Variants in CNTN4 observed in about 807,000 individuals in gnomAD.
CNTN4 encodes contactin 4.
In CNTN4, 77 loss-of-function variants were observed where a neutral mutation model predicts 122.5. The observed-to-expected ratio is 0.63, with a 90% confidence interval of 0.52 to 0.76. The LOEUF is 0.76. Among genes scored for constraint, CNTN4 ranks in the 30% least tolerant of loss-of-function variants. The probability of loss-of-function intolerance (pLI) is 0.00; values close to 1 mark genes in which losing one functional copy is unlikely to be tolerated. For missense variants in CNTN4, 1,256 were observed against 1,259.1 expected, an observed-to-expected ratio of 1.00 and a Z score of 0.04; for synonymous variants, 512 against 447.0, an observed-to-expected ratio of 1.15 and a Z score of -1.83.
intron 2 of CNTN4, chr3:2,144,276 T>C (rs2035140126): frequency 6.6e-6 from 1 of 152,244 alleles, no homozygotes. Flanking sequence ...TTCTGAAGGT[T>C]CTAGCTTCCA....
chr3:3,038,516 T>C (rs7617493), intron 18 of CNTN4, among the ~76,000 whole-genome samples: 71,088 of 152,020 alleles, frequency 0.47, 17,428 homozygotes, highest in African/African-American at 0.59. Context: ...GTGCAGGCGC[T>C]CCTCCACTCC....
chr3:3,026,428 GC>G lies in CNTN4; in HGVS notation c.1662+152del, dbSNP rs373768031. The G allele has an allele frequency of 1.9e-4, 138 of 714,406 alleles. 1 individual carries two copies. The African/African-American group carries it at 2.1e-3, about 11-fold the overall frequency. The allele number at this position is 714,406 out of a possible 1,614,324, so 44.3% of individuals were successfully genotyped here. Reference sequence around the variant, plus strand: ...TGCTCCTTTTTGCACAATAAATGTGGCATCACTCATTGAACAACTCTATATG... The same window carrying G: ...TGCTCCTTTTTGCACAATAAATGTGGATCACTCATTGAACAACTCTATATG... On this transcript the variant is annotated intron_variant, in intron 15 of 24. Transcript: ENST00000418658.
chr3:3,022,004 T>C (rs543311760), intron 14 of CNTN4, among the ~76,000 whole-genome samples: 1 of 150,300 alleles, frequency 6.7e-6, no homozygotes, highest in African/African-American at 2.5e-5. Context: ...GCAGGCAGAT[T>C]GCCTGAACTC....
rs1371174332 is a variant in CNTN4 at position 2,423,968 on chromosome 3, A to G, written c.-89+84735A>G. ...GGAGGGGGTTTTTTTTGATTAGGCA[A>G]CATACCTAATGTAAATGACGAGTTA... On this transcript the variant is annotated intron_variant, in intron 3 of 24. Coordinates refer to ENST00000418658, the MANE Select transcript of CNTN4 (RefSeq NM_175607.3). 4.7e-4 allele frequency among the ~76,000 whole-genome samples: 65 copies of G among 137,560 alleles called. 2 individuals are homozygous for G. Among genetic ancestry groups the G allele is most frequent in the African/African-American group, 1.7e-3 (64 of 37,094 alleles). 90.2% of individuals were successfully genotyped at this position (137,560 alleles called of 152,430 possible).
chr3:2,127,607 CT>C (rs1205412422), intron 2 of CNTN4, among the ~76,000 whole-genome samples: 1 of 152,048 alleles, frequency 6.6e-6, no homozygotes. Context: ...AGTATCTTCA[CT>C]TTTTACACTC....
At chr3:2,605,829 G>A (rs771449218) in intron 4 of CNTN4, among the ~76,000 whole-genome samples, 9 of 152,168 alleles carry the variant, frequency 5.9e-5, no homozygotes, top group Non-Finnish European at 1.2e-4. Context: ...GGGTTTTCAT[G>A]ATGTTGAATT....
chr3:2,340,727 A>AGAGAGGGG (rs1390040679), intron 3 of CNTN4, among the ~76,000 whole-genome samples: 13 of 140,188 alleles, frequency 9.3e-5, no homozygotes, highest in South Asian at 2.4e-4. Flanking sequence ...AGAGAGAGAG[A>AGAGAGGGG]GAGAGAGAGA....
intron 13 of CNTN4, among the ~76,000 whole-genome samples, chr3:2,961,253 C>A (rs1404154735): frequency 1.2e-4 from 11 of 92,794 alleles, no homozygotes. Flanking sequence ...AAAAAAAAGG[C>A]CTACTGAATA....
At chr3:2,173,597 A>C (rs542602458) in intron 2 of CNTN4, among the ~76,000 whole-genome samples, 1 of 152,190 alleles carries the variant, frequency 6.6e-6, no homozygotes, top group African/African-American at 2.4e-5. Flanking sequence ...ATCAGTGTGA[A>C]GTAAAGTTGA....
chr3:2,959,679 CA>C (rs5846230), intron 13 of CNTN4, among the ~76,000 whole-genome samples: 10 of 147,402 alleles, frequency 6.8e-5, no homozygotes, highest in Admixed American at 1.3e-4. Flanking sequence ...ACTGATTTTT[CA>C]AAAAAAAAAA....
At chr3:2,484,235 AAAT>A (rs1252676413) in intron 3 of CNTN4, among the ~76,000 whole-genome samples, 2 of 152,246 alleles carry the variant, frequency 1.3e-5, no homozygotes, top group African/African-American at 4.8e-5. Flanking sequence ...AGAGAAATGA[AAAT>A]AACTATGAGA....
At chr3:2,645,710 GC>G (rs2083086669) in intron 4 of CNTN4, among the ~76,000 whole-genome samples, 1 of 152,154 alleles carries the variant, frequency 6.6e-6, no homozygotes, top group Non-Finnish European at 1.5e-5. Context: ...ACTTAAAAGT[GC>G]CCTTAGCCAA....
intron 12 of CNTN4, among the ~76,000 whole-genome samples, chr3:2,908,059 C>T (rs926021312): frequency 6.6e-6 from 1 of 152,142 alleles, no homozygotes; most frequent in South Asian, 2.1e-4. Context: ...ATGAGATTCA[C>T]TTGTGGGATA....
intron 3 of CNTN4, among the ~76,000 whole-genome samples, chr3:2,465,891 T>C (rs1261997798): frequency 6.6e-6 from 1 of 152,176 alleles, no homozygotes; most frequent in African/African-American, 2.4e-5. Flanking sequence ...TGATATGGAA[T>C]ATTTTACCTA....
intron 2 of CNTN4, among the ~76,000 whole-genome samples, chr3:2,116,722 G>T (rs1462130030): frequency 3.3e-5 from 5 of 152,116 alleles, no homozygotes; most frequent in Non-Finnish European, 7.4e-5. Context: ...TGAAATGCAT[G>T]TTTCTGACTA....
At chr3:2,889,596 A>C (rs2094016004) in intron 10 of CNTN4, among the ~76,000 whole-genome samples, 1 of 152,166 alleles carries the variant, frequency 6.6e-6, no homozygotes, top group South Asian at 2.1e-4. Context: ...TTTCTATATC[A>C]GATAGGAACA....
intron 13 of CNTN4, among the ~76,000 whole-genome samples, chr3:2,977,465 C>A (rs1050088570): frequency 4.6e-5 from 7 of 152,022 alleles, no homozygotes; most frequent in Non-Finnish European, 1.0e-4. Flanking sequence ...ATACATTACC[C>A]ATTACCACCC....
intron 3 of CNTN4, among the ~76,000 whole-genome samples, chr3:2,349,010 T>C (rs1000409770): frequency 3.3e-5 from 5 of 152,208 alleles, no homozygotes; most frequent in Non-Finnish European, 7.4e-5. Context: ...TTAGGAAAGA[T>C]ACAACTTTGT....
At chr3:2,696,950 A>G (rs1279797122) in intron 4 of CNTN4, among the ~76,000 whole-genome samples, 11 of 152,218 alleles carry the variant, frequency 7.2e-5, no homozygotes, top group Non-Finnish European at 1.5e-4. Flanking sequence ...TTAATAAAGT[A>G]TGTGAATACT....
Sources: allele counts gnomAD v4.1 joint callset (sites outside exome capture counted in the v4.1 genomes callset), GRCh38; gene constraint gnomAD v4.1.1; transcripts MANE v1.5; gene names NCBI Gene and HGNC (gene_info 2026-07-23, HGNC 2026-07-21).